GPC5: variants seen among roughly 807,000 people sequenced by gnomAD.
GPC5 encodes glypican 5, also known as glypican-5.
A neutral mutation model predicts 53.9 loss-of-function variants in GPC5; 47 were observed. The observed-to-expected ratio is 0.87, with a 90% CI of 0.69 to 1.11. The LOEUF (loss-of-function observed/expected upper bound fraction) is 1.11, where lower values mean the gene tolerates loss of function less well. Among genes scored for constraint, GPC5 ranks in the 50% most tolerant of loss-of-function variants. The pLI is 0.00. For missense variants in GPC5, 748 were observed against 713.1 expected (o/e 1.05, Z -0.56); for synonymous variants, 286 against 263.3 (o/e 1.09, Z -0.84).
At position 92,445,175 on chromosome 13, in the gene GPC5, C is replaced by T. The variant is rs574781031; in HGVS notation, c.1561+300186C>T. Among the ~76,000 whole-genome samples the T allele has an allele frequency of 2.7e-3, 407 of 149,310 alleles. 3 individuals are homozygous for T. Among genetic ancestry groups the T allele is most frequent in the African/African-American group, 9.5e-3 (386 of 40,812 alleles). ...CTCTCTTTTCCTTTCTTCCTTTCTC[C>T]TTTTCTTTCCTTGCTCCTTTCCCCT... is the stretch of plus-strand genomic sequence containing the variant. On this transcript the variant is annotated intron_variant, in intron 7 of 7. Coordinates refer to ENST00000377067, the MANE Select transcript of GPC5 (RefSeq NM_004466.6).
intron 7 of GPC5, among the ~76,000 whole-genome samples, chr13:92,286,424 A>G (rs1354135088): frequency 6.6e-6 from 1 of 152,168 alleles, no homozygotes; most frequent in African/African-American, 2.4e-5. Flanking sequence ...TGCTATAAAG[A>G]CACATGCCCA....
intron 6 of GPC5, among the ~76,000 whole-genome samples, chr13:91,970,097 G>A (rs2040226982): frequency 6.6e-6 from 1 of 152,062 alleles, no homozygotes; most frequent in African/African-American, 2.4e-5. Context: ...TAAAAAAGAG[G>A]GAAATTTTGC....
rs539993043 is a variant in GPC5 at position 92,046,105 on chromosome 13, G to A, written c.1402-98725G>A. ...CACACTCCAGACTGGGCAACAGAGT[G>A]AGACTATATCAAACAGAAAAAAAAA... On this transcript the variant is annotated intron_variant, in intron 6 of 7. Coordinates refer to ENST00000377067, the MANE Select transcript of GPC5 (RefSeq NM_004466.6). 6.3e-5 allele frequency among the ~76,000 whole-genome samples: 9 copies of A among 142,410 alleles called. 1 individual carries two copies. Among genetic ancestry groups the A allele is most frequent in the African/African-American group, 2.4e-4 (9 of 37,586 alleles). The allele number at this position is 142,410 out of a possible 152,430, so 93.4% of individuals were successfully genotyped here. A position where few individuals can be genotyped will look rare whatever the true frequency, so the allele number is the denominator to read the frequency against.
chr13:92,220,867 A>G (rs2042443538), intron 7 of GPC5, among the ~76,000 whole-genome samples: 1 of 152,146 alleles, frequency 6.6e-6, no homozygotes, highest in Non-Finnish European at 1.5e-5. Context: ...CTCTGTTTAC[A>G]TGGGTTTTTG....
chr13:92,211,275 G>A (rs9589454), intron 7 of GPC5, among the ~76,000 whole-genome samples: 36,454 of 152,044 alleles, frequency 0.24, 4,621 homozygotes, highest in African/African-American at 0.31. Flanking sequence ...CACAATGGGT[G>A]TTTTATATGT....
intron 6 of GPC5, among the ~76,000 whole-genome samples, chr13:91,961,521 TTC>T (rs1293575563): frequency 6.6e-6 from 1 of 151,934 alleles, no homozygotes; most frequent in African/African-American, 2.4e-5. Flanking sequence ...TCATGTGGAA[TTC>T]TGTTAGAATT....
intron 7 of GPC5, among the ~76,000 whole-genome samples, chr13:92,382,278 C>A (rs2043755064): frequency 6.6e-6 from 1 of 151,826 alleles, no homozygotes; most frequent in African/African-American, 2.4e-5. Flanking sequence ...ATATACTGCT[C>A]CGGTGATGGG....
At chr13:91,621,958 G>A (rs866949412) in intron 2 of GPC5, among the ~76,000 whole-genome samples, 42 of 151,876 alleles carry the variant, frequency 2.8e-4, no homozygotes, top group African/African-American at 9.9e-4. Context: ...GAGCCCCCTC[G>A]AAAATCACTG....
intron 1 of GPC5, among the ~76,000 whole-genome samples, chr13:91,408,459 GATA>G (rs1877488940): frequency 6.6e-6 from 1 of 152,034 alleles, no homozygotes; most frequent in Non-Finnish European, 1.5e-5. Flanking sequence ...TCTGCTGATG[GATA>G]CCTAGGTTTA....
chr13:91,977,363 G>A (rs1036462552), intron 6 of GPC5, among the ~76,000 whole-genome samples: 1 of 152,076 alleles, frequency 6.6e-6, no homozygotes, highest in Non-Finnish European at 1.5e-5. Context: ...TCCTTAATGT[G>A]GGGAAAAGGA....
At chr13:91,753,017 A>G (rs1053797045) in intron 4 of GPC5, among the ~76,000 whole-genome samples, 13 of 152,178 alleles carry the variant, frequency 8.5e-5, no homozygotes, top group East Asian at 3.9e-4. Context: ...GTTGAGAATG[A>G]AACCATTAAT....
chr13:91,662,883 A>G (rs1293188977), intron 2 of GPC5, among the ~76,000 whole-genome samples: 4 of 152,216 alleles, frequency 2.6e-5, no homozygotes, highest in Non-Finnish European at 5.9e-5. Context: ...TGACTTTCCA[A>G]ACACAGCTTG....
Position 91,861,183 on chromosome 13 carries a change from T to C in GPC5, c.1281-46754T>C, listed in dbSNP as rs180700691. 3.5e-3 allele frequency among the ~76,000 whole-genome samples: 534 copies of C among 152,298 alleles called. 4 individuals are homozygous for C. The highest frequency in any genetic ancestry group is 0.012 in the African/African-American group (511 of 41,572). On this transcript the variant is annotated intron_variant, in intron 5 of 7. Transcript: ENST00000377067. ...TCAATACACAAGAAAACAATGTAAA[T>C]TTAGCATTTTAAGTGTAGTTTTTAT... is the stretch of plus-strand genomic sequence containing the variant.
intron 7 of GPC5, among the ~76,000 whole-genome samples, chr13:92,476,311 T>C (rs1406647030): frequency 2.3e-4 from 35 of 151,994 alleles, no homozygotes; most frequent in African/African-American, 7.7e-4. Flanking sequence ...CATCACTGGC[T>C]ATCAGAGAAA....
intron 2 of GPC5, among the ~76,000 whole-genome samples, chr13:91,667,903 T>C (rs1389083882): frequency 1.3e-5 from 2 of 152,186 alleles, no homozygotes; most frequent in East Asian, 3.9e-4. Context: ...GCAGCAGTGT[T>C]GTGTGCTGCA....
At chr13:92,283,666 C>A (rs1054653404) in intron 7 of GPC5, among the ~76,000 whole-genome samples, 2 of 152,274 alleles carry the variant, frequency 1.3e-5, no homozygotes, top group Admixed American at 6.5e-5. Flanking sequence ...AAAATGAAGG[C>A]AGAAATAAAG....
chr13:92,385,596 TACATATATACACATATACATATACATAC>T (rs1191363403), intron 7 of GPC5, among the ~76,000 whole-genome samples: 1 of 143,194 alleles, frequency 7.0e-6, no homozygotes, highest in African/African-American at 2.5e-5. Context: ...TACGCATATA[TACATATATACACATATACATATACATAC>T]ACATATATAC....
At chr13:91,463,937 C>T (rs1031894982) in intron 2 of GPC5, among the ~76,000 whole-genome samples, 1 of 151,982 alleles carries the variant, frequency 6.6e-6, no homozygotes, top group Non-Finnish European at 1.5e-5. Flanking sequence ...AAACCATGTT[C>T]AGAGAAAGGT....
At chr13:92,217,386 C>T (rs973563757) in intron 7 of GPC5, among the ~76,000 whole-genome samples, 5 of 152,206 alleles carry the variant, frequency 3.3e-5, no homozygotes, top group Non-Finnish European at 7.3e-5. Flanking sequence ...TCCTTCATCT[C>T]ACCTTCATTA....
Sources: gnomAD v4.1 joint callset for allele counts (sites outside exome capture counted in the v4.1 genomes callset) on GRCh38, gnomAD v4.1.1 for gene constraint, MANE v1.5 for transcripts, NCBI Gene and HGNC (gene_info 2026-07-23, HGNC 2026-07-21) for gene names.